UVRAG: variants seen among roughly 807,000 people sequenced by gnomAD.
UVRAG encodes the protein UV radiation resistance-associated gene protein.
Under a neutral mutation model 78.0 loss-of-function variants are expected in UVRAG, and 19 were observed. The observed-to-expected ratio is 0.24, with a 90% CI of 0.17 to 0.36. The LOEUF (loss-of-function observed/expected upper bound fraction) is 0.36, where lower values mean the gene tolerates loss of function less well. UVRAG is among the 10% of genes least tolerant of loss of function. The probability of loss-of-function intolerance (pLI) is 1.00; values close to 1 mark genes in which losing one functional copy is unlikely to be tolerated. For missense variants in UVRAG, 740 were observed against 853.8 expected (o/e 0.87, Z 1.66); for synonymous variants, 323 against 324.6 (o/e 1.00, Z 0.05).
intron 6 of UVRAG, among the ~76,000 whole-genome samples, chr11:75,921,001 G>A (rs992401311): frequency 2.4e-4 from 37 of 152,210 alleles, no homozygotes; most frequent in East Asian, 1.3e-3. Context: ...TTTTTAATGC[G>A]TGTTTGTTTT....
intron 3 of UVRAG, among the ~76,000 whole-genome samples, chr11:75,876,992 G>GCGGCCTTC (rs1946796729): frequency 6.6e-6 from 1 of 151,334 alleles, no homozygotes; most frequent in African/African-American, 2.4e-5. Flanking sequence ...AGAGGACCCT[G>GCGGCCTTC]CGGCCTTCCG....
intron 3 of UVRAG, among the ~76,000 whole-genome samples, chr11:75,866,579 A>C (rs1181133000): frequency 6.6e-6 from 1 of 151,932 alleles, no homozygotes; most frequent in African/African-American, 2.4e-5. Flanking sequence ...AAAACTAAAT[A>C]AAAAACTTTG....
intron 8 of UVRAG, among the ~76,000 whole-genome samples, chr11:75,999,237 A>AG (rs1339743301): frequency 1.7e-3 from 12 of 7,220 alleles, no homozygotes; most frequent in African/African-American, 0.01. Context: ...TGCCTCAGAG[A>AG]AAAAAAAAAA....
At chr11:75,839,866 G>T (rs1002071459) in intron 1 of UVRAG, among the ~76,000 whole-genome samples, 35 of 130,718 alleles carry the variant, frequency 2.7e-4, no homozygotes, top group South Asian at 9.5e-4. Flanking sequence ...TATATATAGA[G>T]AGAGAGAGAG....
chr11:75,982,750 G>A (rs535016909), intron 7 of UVRAG, among the ~76,000 whole-genome samples: 1 of 152,310 alleles, frequency 6.6e-6, no homozygotes, highest in Non-Finnish European at 1.5e-5. Context: ...TATAAATGGA[G>A]CCGTATAGTG....
intron 8 of UVRAG, among the ~76,000 whole-genome samples, chr11:75,992,473 A>G (rs1949627563): frequency 6.6e-6 from 1 of 152,148 alleles, no homozygotes; most frequent in African/African-American, 2.4e-5. Flanking sequence ...GTTAGGATCT[A>G]ATGTTGATAC....
intron 13 of UVRAG, among the ~76,000 whole-genome samples, chr11:76,066,222 G>A (rs1951183143): frequency 6.6e-6 from 1 of 152,082 alleles, no homozygotes; most frequent in African/African-American, 2.4e-5. Flanking sequence ...GGGCCCGAAG[G>A]AAAAGACCAA....
chr11:75,818,768 C>T (rs548444823), intron 1 of UVRAG, among the ~76,000 whole-genome samples: 1 of 152,220 alleles, frequency 6.6e-6, no homozygotes, highest in African/African-American at 2.4e-5. Flanking sequence ...TGAGCCATTG[C>T]GCCCGGCTGG....
chr11:76,036,779 CAT>C (rs2135410511), intron 12 of UVRAG, among the ~76,000 whole-genome samples: 1 of 150,550 alleles, frequency 6.6e-6, no homozygotes, highest in South Asian at 2.1e-4. Context: ...AAAGGAGACA[CAT>C]GTGCCACACA....
intron 12 of UVRAG, among the ~76,000 whole-genome samples, chr11:76,023,930 T>C (rs1453886290): frequency 6.6e-6 from 1 of 152,176 alleles, no homozygotes; most frequent in African/African-American, 2.4e-5. Context: ...TTGGTTTGTT[T>C]AATGATGAAA....
intron 1 of UVRAG, among the ~76,000 whole-genome samples, chr11:75,835,981 G>A (rs934752261): frequency 6.6e-6 from 1 of 151,890 alleles, no homozygotes; most frequent in Admixed American, 6.6e-5. Context: ...TGCGCCTGTA[G>A]TCCCAGCTAC....
At chr11:75,985,735 T>A (rs1445904803) in intron 8 of UVRAG, among the ~76,000 whole-genome samples, 2 of 152,166 alleles carry the variant, frequency 1.3e-5, no homozygotes, top group African/African-American at 4.8e-5. Flanking sequence ...TCGAGATTAT[T>A]TTTTTTCGTA....
chr11:75,859,077 T>C (rs1946357636), intron 2 of UVRAG, among the ~76,000 whole-genome samples: 1 of 152,090 alleles, frequency 6.6e-6, no homozygotes, highest in African/African-American at 2.4e-5. Context: ...TTGAATGATA[T>C]CTTTTTGAAA....
intron 13 of UVRAG, 26 bp downstream of exon 13, chr11:76,065,814 C>G: frequency 6.2e-7 from 1 of 1,605,448 alleles, no homozygotes; most frequent in South Asian, 1.1e-5. Context: ...TCACTTCTCT[C>G]CTACTTCCCA....
At chr11:76,026,180 G>C (rs546587502) in intron 12 of UVRAG, among the ~76,000 whole-genome samples, 1 of 152,256 alleles carries the variant, frequency 6.6e-6, no homozygotes, top group Non-Finnish European at 1.5e-5. Context: ...TAAGTTTTCT[G>C]TAGAAATAGT....
At chr11:75,880,928 CTTTTTTTTTTTTTTT>C (rs773034018) in intron 4 of UVRAG, among the ~76,000 whole-genome samples, 20 of 87,710 alleles carry the variant, frequency 2.3e-4, no homozygotes, top group Admixed American at 2.0e-3. Flanking sequence ...TTATTTACTT[CTTTTTTTTTTTTTTT>C]TTTTTTTTTT....
At chr11:75,832,368 A>G (rs1232999460) in intron 1 of UVRAG, among the ~76,000 whole-genome samples, 1 of 152,228 alleles carries the variant, frequency 6.6e-6, no homozygotes, top group Non-Finnish European at 1.5e-5. Flanking sequence ...GAAGGTTACC[A>G]TGACCTTCTC....
At chr11:75,959,935 C>G (rs981199538) in intron 6 of UVRAG, among the ~76,000 whole-genome samples, 4 of 152,132 alleles carry the variant, frequency 2.6e-5, no homozygotes, top group Non-Finnish European at 5.9e-5. Context: ...AATGGCCAGT[C>G]AGTAGAGCAG....
At chr11:75,861,604 A>G (rs1407362630) in intron 2 of UVRAG, 142 bp from the exon 3 acceptor site, 2 of 488,074 alleles carry the variant, frequency 4.1e-6, no homozygotes, top group South Asian at 4.2e-5. Flanking sequence ...TTTAACAGAT[A>G]AAGATATAGA....
Sources: allele counts gnomAD v4.1 joint callset (sites outside exome capture counted in the v4.1 genomes callset), GRCh38; gene constraint gnomAD v4.1.1; transcripts MANE v1.5; gene names NCBI Gene and HGNC (gene_info 2026-07-23, HGNC 2026-07-21).